Variants in PTPRT observed in about 807,000 individuals in gnomAD.
The protein encoded by PTPRT is receptor-type tyrosine-protein phosphatase T.
In PTPRT, 56 loss-of-function variants were observed where a neutral mutation model predicts 176.8. That is an observed-to-expected ratio of 0.32 (90% CI 0.26 to 0.40). The LOEUF (loss-of-function observed/expected upper bound fraction) is 0.40, where lower values mean the gene tolerates loss of function less well. Among genes scored for constraint, PTPRT ranks in the 10% least tolerant of loss-of-function variants. PTPRT has a pLI of 1.00. For missense variants in PTPRT, 1,540 were observed against 1,908.2 expected (o/e 0.81, Z 3.60); for synonymous variants, 783 against 739.0 (o/e 1.06, Z -0.96).
At chr20:42,101,925 GA>G (rs1461460742) in intron 26 of PTPRT, among the ~76,000 whole-genome samples, 198 bp downstream of exon 26, 1 of 152,200 alleles carries the variant, frequency 6.6e-6, no homozygotes, top group Non-Finnish European at 1.5e-5. Context: ...CTTTGTATGA[GA>G]AAAGGAGCCA....
chr20:43,095,263 T>C (rs941612708), intron 1 of PTPRT, among the ~76,000 whole-genome samples: 9 of 152,074 alleles, frequency 5.9e-5, no homozygotes, highest in African/African-American at 2.2e-4. Context: ...CAGTGATACC[T>C]CGTACTTTCA....
At chr20:42,871,084 G>A (rs1338315759) in intron 2 of PTPRT, among the ~76,000 whole-genome samples, 1 of 151,582 alleles carries the variant, frequency 6.6e-6, no homozygotes, top group East Asian at 1.9e-4. Context: ...GTGAGTAGCT[G>A]GGATTACAGA....
chr20:42,707,378 C>A (rs2076076692), intron 6 of PTPRT, among the ~76,000 whole-genome samples: 1 of 152,152 alleles, frequency 6.6e-6, no homozygotes, highest in African/African-American at 2.4e-5. Flanking sequence ...TGTTACATGG[C>A]ACCCTTGACT....
intron 11 of PTPRT, among the ~76,000 whole-genome samples, chr20:42,331,962 G>A (rs1430365165): frequency 6.6e-6 from 1 of 152,100 alleles, no homozygotes; most frequent in Non-Finnish European, 1.5e-5. Flanking sequence ...TGGTGCCTCA[G>A]GAGAACTCAA....
At chr20:42,064,819 C>G in the PTPRT span, among the ~76,000 whole-genome samples, 1 of 152,210 alleles carries the variant, frequency 6.6e-6, no homozygotes, top group African/African-American at 2.4e-5. Flanking sequence ...TCTCTTGAAT[C>G]ACTGCTGACC....
intron 8 of PTPRT, 23 bp downstream of exon 8, chr20:42,472,243 G>A (rs915279444): frequency 8.7e-6 from 14 of 1,606,762 alleles, no homozygotes; most frequent in Non-Finnish European, 1.1e-5. Flanking sequence ...CCATTCCCAT[G>A]TAAGCTCTCC....
At chr20:42,099,546 C>CGGGGGGGGGGG (rs59137378) in intron 26 of PTPRT, among the ~76,000 whole-genome samples, 4 of 28,912 alleles carry the variant, frequency 1.4e-4, no homozygotes, top group South Asian at 1.9e-3. Flanking sequence ...ATGGCCTGGG[C>CGGGGGGGGGGG]GGGGGGGGGG....
chr20:43,142,830 T>G (rs1392555910), intron 1 of PTPRT, among the ~76,000 whole-genome samples: 1 of 152,118 alleles, frequency 6.6e-6, no homozygotes, highest in Admixed American at 6.5e-5. Context: ...TACAGTCTGG[T>G]CACAATCATT....
chr20:42,190,053 AGCT>A (rs976409833), intron 16 of PTPRT, among the ~76,000 whole-genome samples: 2 of 152,200 alleles, frequency 1.3e-5, no homozygotes, highest in African/African-American at 4.8e-5. Context: ...TTAATCTGTC[AGCT>A]AAGTGGATGA....
intron 1 of PTPRT, among the ~76,000 whole-genome samples, chr20:42,983,455 G>T (rs2146090831): frequency 6.6e-6 from 1 of 152,326 alleles, no homozygotes; most frequent in Non-Finnish European, 1.5e-5. Flanking sequence ...CACCAAGGCA[G>T]AGCCACAGTG....
intron 9 of PTPRT, among the ~76,000 whole-genome samples, chr20:42,394,439 C>T (rs1419322017): frequency 6.6e-6 from 1 of 152,124 alleles, no homozygotes; most frequent in Non-Finnish European, 1.5e-5. Flanking sequence ...GAAGGGATGT[C>T]CCCAGGTCCA....
At chr20:42,172,721 G>A (rs576732384) in intron 16 of PTPRT, among the ~76,000 whole-genome samples, 31 of 152,138 alleles carry the variant, frequency 2.0e-4, no homozygotes, top group African/African-American at 6.5e-4. Flanking sequence ...TTTTACATGC[G>A]CTTGTGTGTA....
At chr20:42,883,482 G>C (rs2079037033) in intron 2 of PTPRT, among the ~76,000 whole-genome samples, 1 of 151,982 alleles carries the variant, frequency 6.6e-6, no homozygotes, top group Admixed American at 6.6e-5. Flanking sequence ...AGGAACAGTG[G>C]AAAGTGAGTA....
intron 9 of PTPRT, among the ~76,000 whole-genome samples, chr20:42,431,981 C>G (rs545529335): frequency 6.6e-6 from 1 of 152,350 alleles, no homozygotes; most frequent in Admixed American, 6.5e-5. Flanking sequence ...TGGGAACGGA[C>G]ACACAGGGCC....
intron 7 of PTPRT, among the ~76,000 whole-genome samples, chr20:42,581,527 G>GC (rs2073370901): frequency 1.1e-5 from 1 of 89,894 alleles, no homozygotes; most frequent in East Asian, 4.0e-4. Context: ...ATTGGTGGCT[G>GC]CATAAAAAAA....
At chr20:43,080,940 C>T (rs2146287491) in intron 1 of PTPRT, among the ~76,000 whole-genome samples, 1 of 152,348 alleles carries the variant, frequency 6.6e-6, no homozygotes. Context: ...TATACAGGTG[C>T]TTATTTGTTA....
rs779893941 is a variant in PTPRT, at chr20:42,128,833, G to T, written c.2771-3C>A. On this transcript the variant is annotated splice_polypyrimidine_tract_variant and splice_region_variant and intron_variant, in intron 18 of 30. Coordinates refer to ENST00000373187, the MANE Select transcript of PTPRT (RefSeq NM_007050.6). ...CAGCCTCACCCGGGAATGGTCGTCT[G>T]CAGAGAGAGCAGAAATCAAGGGGAT... The T allele has an allele frequency of 6.2e-6, 10 of 1,601,456 alleles. No individual in the cohort carries two copies. Among genetic ancestry groups the T allele is most frequent in the African/African-American group, 2.7e-5 (2 of 74,356 alleles).
At chr20:43,012,201 C>G (rs1030762804) in intron 1 of PTPRT, among the ~76,000 whole-genome samples, 1 of 152,174 alleles carries the variant, frequency 6.6e-6, no homozygotes, top group Non-Finnish European at 1.5e-5. Flanking sequence ...GTCCCTCTAG[C>G]GAACCCTGAC....
intron 9 of PTPRT, among the ~76,000 whole-genome samples, chr20:42,432,701 A>G (rs1294827217): frequency 3.3e-5 from 5 of 152,226 alleles, no homozygotes; most frequent in Non-Finnish European, 7.3e-5. Flanking sequence ...AACTGAAAAC[A>G]TTCCTTTCTG....
Sources: allele counts gnomAD v4.1 joint callset (sites outside exome capture counted in the v4.1 genomes callset), GRCh38; gene constraint gnomAD v4.1.1; transcripts MANE v1.5; gene names NCBI Gene and HGNC (gene_info 2026-07-23, HGNC 2026-07-21).